CCT6B: variants seen among roughly 807,000 people sequenced by gnomAD.
The protein encoded by CCT6B is probable T-complex protein 1 subunit zeta-2.
Under a neutral mutation model 61.5 loss-of-function variants are expected in CCT6B, and 49 were observed. The ratio of observed to expected loss-of-function variants is 0.80; its 90% CI spans 0.63 to 1.01. The LOEUF (loss-of-function observed/expected upper bound fraction) is 1.01, where lower values mean the gene tolerates loss of function less well. Ranked by LOEUF, CCT6B falls within the 50% of genes least tolerant of loss-of-function variation. The probability of loss-of-function intolerance (pLI) is 0.00; values close to 1 mark genes in which losing one functional copy is unlikely to be tolerated. For missense variants in CCT6B, 666 were observed against 634.7 expected (o/e 1.05, Z -0.53); for synonymous variants, 228 against 214.5 (o/e 1.06, Z -0.55).
intron 10 of CCT6B, among the ~76,000 whole-genome samples, chr17:34,935,166 G>A (rs1387455570): frequency 2.6e-5 from 4 of 152,160 alleles, no homozygotes; most frequent in African/African-American, 9.7e-5. Flanking sequence ...GACAAAAACT[G>A]TATGATTCCA....
intron 10 of CCT6B, among the ~76,000 whole-genome samples, chr17:34,934,400 A>G (rs894221489): frequency 2.0e-5 from 3 of 152,186 alleles, no homozygotes; most frequent in African/African-American, 7.2e-5. Flanking sequence ...AGGCCATACC[A>G]TTTCTTTTCC....
chr17:34,928,044 A>G lies in CCT6B; in HGVS notation c.*4T>C, dbSNP rs1047060945. On this transcript the variant is annotated 3_prime_UTR_variant, in exon 14 of 14. Coordinates refer to ENST00000314144, the MANE Select transcript of CCT6B (RefSeq NM_006584.4). ...TCTAGAAGGGTTGATTTTGAATTCA[A>G]TCATCATTTGAGAGAAGACATCCCA... is the stretch of plus-strand genomic sequence containing the variant. 9.4e-6 allele frequency: 15 copies of G among 1,603,932 alleles called. No homozygotes were observed. The highest frequency in any genetic ancestry group is 3.3e-5 in the South Asian group (3 of 90,030).
chr17:34,945,539 C>G (rs1325819175), intron 5 of CCT6B, among the ~76,000 whole-genome samples: 1 of 152,148 alleles, frequency 6.6e-6, no homozygotes, highest in Admixed American at 6.5e-5. Flanking sequence ...TCCTATTGCC[C>G]TTTCCTTCTA....
chr17:34,959,441 T>C, intron 2 of CCT6B, 146 bp downstream of exon 2: 4 of 570,608 alleles, frequency 7.0e-6, no homozygotes, highest in Non-Finnish European at 1.2e-5. Flanking sequence ...AAAAAAATTT[T>C]TTTATTGAGG....
chr17:34,956,149 T>A (rs899524590), intron 3 of CCT6B, among the ~76,000 whole-genome samples: 1 of 152,212 alleles, frequency 6.6e-6, no homozygotes, highest in Non-Finnish European at 1.5e-5. Context: ...GCATACTACA[T>A]GCCCTCTGAT....
chr17:34,955,639 C>T (rs957422724), intron 3 of CCT6B, among the ~76,000 whole-genome samples: 8 of 152,112 alleles, frequency 5.3e-5, no homozygotes, highest in African/African-American at 1.7e-4. Context: ...AAATAATACA[C>T]AAACTTTGTG....
intron 10 of CCT6B, among the ~76,000 whole-genome samples, chr17:34,933,839 T>G (rs1317016729): frequency 1.3e-5 from 2 of 151,782 alleles, no homozygotes; most frequent in African/African-American, 4.8e-5. Flanking sequence ...CTTAAGAAAC[T>G]AGAAAAGGAC....
chr17:34,929,092 T>A, intron 12 of CCT6B, 58 bp from the exon 13 acceptor site: 1 of 1,011,246 alleles, frequency 9.9e-7, no homozygotes, highest in Non-Finnish European at 1.5e-6. Flanking sequence ...TAATATTAAT[T>A]GATATCTTCT....
intron 11 of CCT6B, among the ~76,000 whole-genome samples, chr17:34,931,471 T>C (rs1421856430): frequency 6.6e-6 from 1 of 152,172 alleles, no homozygotes; most frequent in African/African-American, 2.4e-5. Flanking sequence ...TGCAGCACCT[T>C]TGTGCCCCTC....
At chr17:34,945,469 C>T (rs1197131704) in intron 5 of CCT6B, among the ~76,000 whole-genome samples, 2 of 152,148 alleles carry the variant, frequency 1.3e-5, no homozygotes, top group East Asian at 3.9e-4. Flanking sequence ...CATGAAAAAG[C>T]CCAAGAGATA....
In CCT6B at chr17:34,953,055, C is replaced by T. The variant is rs572578279; in HGVS notation, c.511-1002G>A. 9.2e-5 allele frequency among the ~76,000 whole-genome samples: 14 copies of T among 151,512 alleles called. No homozygotes were observed. In the East Asian group the frequency reaches 2.5e-3, roughly 27 times the overall value. ...GATTTCCCAAGTTGTTTTTTTTTAA[C>T]GGTAAGGAGAATCGATCAGAAACAA... On this transcript the variant is annotated intron_variant, in intron 4 of 13. Coordinates refer to ENST00000314144, the MANE Select transcript of CCT6B (RefSeq NM_006584.4).
chr17:34,948,359 T>C (rs1051990894), intron 5 of CCT6B, among the ~76,000 whole-genome samples: 17 of 152,192 alleles, frequency 1.1e-4, no homozygotes, highest in African/African-American at 3.6e-4. Flanking sequence ...CAAAAAATCA[T>C]GTAAAGAGAG....
intron 10 of CCT6B, among the ~76,000 whole-genome samples, chr17:34,935,975 A>G (rs1304144553): frequency 6.6e-6 from 1 of 151,878 alleles, no homozygotes; most frequent in Non-Finnish European, 1.5e-5. Context: ...AACAACAAGA[A>G]GTTTTACTCT....
chr17:34,942,722 T>C, intron 6 of CCT6B, 74 bp downstream of exon 6: 1 of 1,488,076 alleles, frequency 6.7e-7, no homozygotes, highest in African/African-American at 1.4e-5. Context: ...ACCAAACATC[T>C]GGAAGGAAAA....
At chr17:34,944,526 T>C (rs572721356) in intron 5 of CCT6B, 1 of 152,322 alleles carries the variant, frequency 6.6e-6, no homozygotes, top group Non-Finnish European at 1.5e-5. Flanking sequence ...CTGTTCTCCT[T>C]CATAACTACA....
chr17:34,937,062 G>A (rs1274360122), intron 10 of CCT6B, among the ~76,000 whole-genome samples: 1 of 152,130 alleles, frequency 6.6e-6, no homozygotes, highest in East Asian at 1.9e-4. Context: ...GGAAGCTAAG[G>A]TGGGAGAGTC....
chr17:34,961,189 G>C (rs2090411329), intron 1 of CCT6B, 68 bp downstream of exon 1: 2 of 1,524,168 alleles, frequency 1.3e-6, no homozygotes, highest in Non-Finnish European at 1.8e-6. Flanking sequence ...GCGGACGCCT[G>C]CCTCAGAGGG....
At chr17:34,955,630 A>C (rs1047984284) in intron 3 of CCT6B, among the ~76,000 whole-genome samples, 2 of 152,214 alleles carry the variant, frequency 1.3e-5, no homozygotes, top group Admixed American at 1.3e-4. Context: ...TGTTCCATAA[A>C]ATAATACACA....
intron 5 of CCT6B, among the ~76,000 whole-genome samples, chr17:34,950,336 A>C (rs1161684608): frequency 6.6e-6 from 1 of 152,202 alleles, no homozygotes; most frequent in East Asian, 1.9e-4. Context: ...CAAAATTCCA[A>C]AAAAGTAAAT....
Sources: allele counts gnomAD v4.1 joint callset (sites outside exome capture counted in the v4.1 genomes callset), GRCh38; gene constraint gnomAD v4.1.1; transcripts MANE v1.5; gene names NCBI Gene and HGNC (gene_info 2026-07-23, HGNC 2026-07-21).